Variants in DGKI observed in about 807,000 individuals in gnomAD.
DGKI encodes the protein DAG kinase iota.
DGKI carries 55 observed loss-of-function variants against 147.5 expected under a neutral mutation model. The observed-to-expected ratio is 0.37, with a 90% CI of 0.30 to 0.47. DGKI has a LOEUF of 0.47. Ranked by LOEUF, DGKI falls within the 20% of genes least tolerant of loss-of-function variation. DGKI has a pLI of 1.00. For missense variants in DGKI, 1,007 were observed against 1,323.8 expected (o/e 0.76, Z 3.71); for synonymous variants, 469 against 477.1 (o/e 0.98, Z 0.22).
Position 137,399,911 on chromosome 7 carries a change from CAA to C in DGKI, c.2921-2500_2921-2499del, listed in dbSNP as rs11358849. 1.3e-3 allele frequency among the ~76,000 whole-genome samples: 176 copies of C among 134,348 alleles called. 1 individual carries two copies. The highest frequency in any genetic ancestry group is 3.0e-3 in the African/African-American group (109 of 36,794). The allele number at this position is 134,348 out of a possible 152,430, so 88.1% of individuals were successfully genotyped here. On this transcript the variant is annotated intron_variant, in intron 30 of 32. Transcript: ENST00000614521. ...GCCTGGGTGACAGAGCAAGACTTCT[CAA>C]AAAAAAAAAAAAGAAAGAAAGAAAA... is the stretch of plus-strand genomic sequence containing the variant.
At position 137,846,935 on chromosome 7, in the gene DGKI, C is replaced by A; in HGVS notation, c.-73G>T. ...CCCGCCCCGGCCAATCAGAGGCCGC[C>A]GCTCCCCGCCTCCCGCGCCCTCCCG... On this transcript the variant is annotated 5_prime_UTR_variant, in exon 1 of 33. Coordinates refer to ENST00000614521, the MANE Select transcript of DGKI (RefSeq NM_001321708.2). This position sits in a 1 kb window ranked among gnomAD's most constrained non-coding sequence, Gnocchi z 4.0. 1 of 1,026,262 alleles carries A rather than the reference C, an allele frequency of 9.7e-7. No individual in the cohort carries two copies. The highest frequency in any genetic ancestry group is 4.5e-5 in the South Asian group (1 of 22,232). 63.6% of individuals were successfully genotyped at this position (1,026,262 alleles called of 1,614,324 possible). A position where few individuals can be genotyped will look rare whatever the true frequency, so the allele number is the denominator to read the frequency against.
chr7:137,550,167 GTTT>G (rs71533756), intron 20 of DGKI, among the ~76,000 whole-genome samples: 2 of 138,028 alleles, frequency 1.4e-5, no homozygotes, highest in African/African-American at 2.6e-5. Context: ...TGTTGTTTGA[GTTT>G]TTTTTTTTTT....
At chr7:137,604,650 A>G (rs1441443903) in intron 10 of DGKI, among the ~76,000 whole-genome samples, 1 of 152,308 alleles carries the variant, frequency 6.6e-6, no homozygotes, top group African/African-American at 2.4e-5. Flanking sequence ...AACAGTGTGC[A>G]AAGCCAGGGT....
At position 137,407,791 on chromosome 7, in the gene DGKI, T is replaced by C. The variant is rs75289480; in HGVS notation, c.2920+84A>G. ...TATTTCTGCCATTCTGAAAACTGCC[T>C]GGATGAAGGGTAACTTAGAAAATGC... is the stretch of plus-strand genomic sequence containing the variant. On this transcript the variant is annotated intron_variant, in intron 30 of 32. Coordinates refer to ENST00000614521, the MANE Select transcript of DGKI (RefSeq NM_001321708.2). 6.3e-3 allele frequency: 9,730 copies of C among 1,549,048 alleles called. 70 individuals are homozygous for C. Among genetic ancestry groups the C allele is most frequent in the Non-Finnish European group, 6.1e-3 (6,977 of 1,136,570 alleles).
At chr7:137,454,967 A>T (rs1216464591) in intron 27 of DGKI, 1 of 152,180 alleles carries the variant, frequency 6.6e-6, no homozygotes, top group Non-Finnish European at 1.5e-5. Context: ...GTTTAGTCTT[A>T]GCACGTGGGG....
At chr7:137,610,294 G>C (rs375614295) in intron 8 of DGKI, among the ~76,000 whole-genome samples, 4 of 152,194 alleles carry the variant, frequency 2.6e-5, no homozygotes, top group African/African-American at 7.2e-5. Context: ...TGGTAGCCTT[G>C]ATTTTTTTCT....
At chr7:137,577,774 C>T (rs889951762) in intron 16 of DGKI, among the ~76,000 whole-genome samples, 1 of 152,146 alleles carries the variant, frequency 6.6e-6, no homozygotes, top group African/African-American at 2.4e-5. Context: ...CTATTTACTA[C>T]TATGAACGTG....
At chr7:137,468,012 C>CA (rs1814726795) in intron 24 of DGKI, among the ~76,000 whole-genome samples, 1 of 150,336 alleles carries the variant, frequency 6.7e-6, no homozygotes. Context: ...AAAAGCAAAC[C>CA]AAAAAGAATT....
At chr7:137,664,322 G>A (rs1822553007) in intron 3 of DGKI, among the ~76,000 whole-genome samples, 1 of 132,470 alleles carries the variant, frequency 7.5e-6, no homozygotes, top group Admixed American at 9.2e-5. Flanking sequence ...AGGTTGCAGT[G>A]AACTGAGACT....
chr7:137,769,127 C>T (rs748169845), intron 1 of DGKI, among the ~76,000 whole-genome samples: 2 of 152,182 alleles, frequency 1.3e-5, no homozygotes, highest in Non-Finnish European at 2.9e-5. Context: ...CGGAGCCCTA[C>T]TACATGATAA....
At chr7:137,606,936 C>T (rs562861775) in intron 10 of DGKI, among the ~76,000 whole-genome samples, 18 of 152,234 alleles carry the variant, frequency 1.2e-4, no homozygotes, top group Admixed American at 7.2e-4. Flanking sequence ...TGGACCTGTA[C>T]CCCAACAGTG....
chr7:137,395,319 C>T (rs750384064), intron 32 of DGKI, among the ~76,000 whole-genome samples: 6 of 152,224 alleles, frequency 3.9e-5, no homozygotes, highest in Non-Finnish European at 7.3e-5. Flanking sequence ...ACTCCCATGA[C>T]TTGGCTGCTA....
intron 6 of DGKI, among the ~76,000 whole-genome samples, chr7:137,623,968 GAA>G (rs367767351): frequency 2.8e-5 from 4 of 143,926 alleles, no homozygotes; most frequent in African/African-American, 1.0e-4. Context: ...CGAGAACCCA[GAA>G]AAAAAAAAAG....
intron 1 of DGKI, chr7:137,722,413 A>G: frequency 6.2e-7 from 1 of 1,612,506 alleles, no homozygotes; most frequent in Non-Finnish European, 8.5e-7. Flanking sequence ...ACTGCGAGCC[A>G]GCATTACCCC....
At chr7:137,675,832 T>C (rs892360224) in intron 3 of DGKI, among the ~76,000 whole-genome samples, 5 of 152,188 alleles carry the variant, frequency 3.3e-5, no homozygotes, top group Non-Finnish European at 5.9e-5. Context: ...TTAGAGTCAG[T>C]GGATTCTACC....
chr7:137,760,403 T>C (rs948883115), intron 1 of DGKI, among the ~76,000 whole-genome samples: 1 of 152,178 alleles, frequency 6.6e-6, no homozygotes, highest in Non-Finnish European at 1.5e-5. Context: ...GCCCACCTCC[T>C]GGTTCTTCCT....
At chr7:137,569,456 C>T (rs574408609) in intron 19 of DGKI, among the ~76,000 whole-genome samples, 3 of 152,066 alleles carry the variant, frequency 2.0e-5, no homozygotes, top group South Asian at 2.1e-4. Flanking sequence ...TGGCCGGGTG[C>T]GGTGGCTCAC....
At chr7:137,694,664 T>C (rs1050061029) in intron 1 of DGKI, among the ~76,000 whole-genome samples, 19 of 152,224 alleles carry the variant, frequency 1.2e-4, no homozygotes, top group African/African-American at 4.6e-4. Flanking sequence ...AGTTACTCAG[T>C]GTCTTGGTTT....
intron 1 of DGKI, among the ~76,000 whole-genome samples, chr7:137,745,713 T>G (rs1415846155): frequency 6.6e-6 from 1 of 152,090 alleles, no homozygotes; most frequent in Non-Finnish European, 1.5e-5. Context: ...AACTCAGATA[T>G]GCCAAAGAGA....
Sources: allele counts gnomAD v4.1 joint callset (sites outside exome capture counted in the v4.1 genomes callset), GRCh38; gene constraint gnomAD v4.1.1; non-coding constraint Gnocchi (gnomAD v3.1); transcripts MANE v1.5; gene names NCBI Gene and HGNC (gene_info 2026-07-23, HGNC 2026-07-21).